The following SPP1 variants were observed in gnomAD, a reference collection of about 807,000 sequenced individuals.
SPP1 encodes the protein osteopontin.
Under a neutral mutation model 20.8 loss-of-function variants are expected in SPP1, and 18 were observed. That is an observed-to-expected ratio of 0.87 (90% CI 0.60 to 1.29). The LOEUF is 1.29. Ranked by LOEUF, SPP1 falls within the 50% of genes most tolerant of loss-of-function variation. SPP1 has a pLI of 0.00. For synonymous variants in SPP1, 146 were observed against 141.5 expected (o/e 1.03, Z -0.23); for missense variants, 363 against 389.0 (o/e 0.93, Z 0.56).
Position 87,982,823 on chromosome 4 carries a change from G to C in SPP1, c.872G>C (p.Ser291Thr). The change falls in exon 7 of 7, where the codon AGT becomes ACT. Residue 291 changes from serine (S) to threonine (T), a missense_variant. Transcript: ENST00000395080. ...GATATGCTGGTTGTAGACCCCAAAA[G>C]TAAGGAAGAAGATAAACACCTGAAA... ...HEDMLVVDPK[S>T]KEEDKHLKFR... The C allele has an allele frequency of 6.2e-7, 1 of 1,614,156 alleles. No homozygotes were observed. The highest frequency in any genetic ancestry group is 1.1e-5 in the South Asian group (1 of 91,070).
At chr4:87,982,386 C>G (rs1725683391) in intron 6 of SPP1, 106 bp from the exon 7 acceptor site, 7 of 1,370,242 alleles carry the variant, frequency 5.1e-6, no homozygotes, top group Non-Finnish European at 6.9e-6. Flanking sequence ...CAGATTTAGA[C>G]AATTTTTAGT....
At chr4:87,977,193 C>G in intron 3 of SPP1, 96 bp downstream of exon 3, 1 of 1,221,884 alleles carries the variant, frequency 8.2e-7, no homozygotes, top group Admixed American at 1.8e-5. Flanking sequence ...CTTATCTTCT[C>G]AGTCAAATCC....
chr4:87,982,984 T>C lies in SPP1; in HGVS notation c.*88T>C. The stretch of plus-strand genomic sequence containing the variant: ...AATGAAAGAGAACATGAAATGCTTC[T>C]TTCTCAGTTTATTGGTTGAATGTGT... On this transcript the variant is annotated 3_prime_UTR_variant, in exon 7 of 7. Transcript: ENST00000395080. 1 of 1,276,824 alleles carries C rather than the reference T, an allele frequency of 7.8e-7. No homozygotes were observed. The highest frequency in any genetic ancestry group is 1.1e-6 in the Non-Finnish European group (1 of 941,974). 79.1% of individuals were successfully genotyped at this position (1,276,824 alleles called of 1,614,324 possible).
At chr4:87,981,964 C>A (rs543360402) in intron 6 of SPP1, among the ~76,000 whole-genome samples, 166 bp downstream of exon 6, 1 of 152,054 alleles carries the variant, frequency 6.6e-6, no homozygotes, top group East Asian at 1.9e-4. Flanking sequence ...TTCTGCTTGG[C>A]GGTTTTTGTA....
In SPP1 at chr4:87,982,482, C is replaced by T. The variant is rs772035367; in HGVS notation, c.541-10C>T. ...TCATATAATTATTCTTCATTTGTGC[C>T]GTGATTCAGTACCCTGATGCTACAG... On this transcript the variant is annotated splice_polypyrimidine_tract_variant and intron_variant, in intron 6 of 6. Coordinates refer to ENST00000395080, the MANE Select transcript of SPP1 (RefSeq NM_001040058.2). The T allele has an allele frequency of 5.0e-6, 8 of 1,607,480 alleles. No homozygotes were observed. Among genetic ancestry groups the T allele is most frequent in the Admixed American group, 1.7e-5 (1 of 59,594 alleles).
Position 87,982,793 on chromosome 4 carries a change from A to C in SPP1, c.842A>C (p.His281Pro), listed in dbSNP as rs779874744. ...TTCCACAGCCATGAATTTCACAGCC[A>C]TGAAGATATGCTGGTTGTAGACCCC... is the stretch of plus-strand genomic sequence containing the variant. ...REFHSHEFHS[H>P]EDMLVVDPKS... is the part of the protein sequence containing the mutation. Residue 281 changes from histidine to proline, a missense_variant, in exon 7 of 7, where the codon CAT becomes CCT. His to Pro is a moderately conservative substitution (Grantham distance 77). Coordinates refer to ENST00000395080, the MANE Select transcript of SPP1 (RefSeq NM_001040058.2). The C allele has an allele frequency of 9.9e-6, 16 of 1,614,232 alleles. No homozygotes were observed. The highest frequency in any genetic ancestry group is 1.4e-5 in the Non-Finnish European group (16 of 1,180,034).
Position 87,982,763 on chromosome 4 carries a change from G to GTGAATTCCACAGCCA in SPP1, c.819_833dup (p.Phe278_Glu282dup). 1 of 1,614,126 alleles carries GTGAATTCCACAGCCA rather than the reference G, an allele frequency of 6.2e-7. No individual in the cohort carries two copies. Among genetic ancestry groups the GTGAATTCCACAGCCA allele is most frequent in the Non-Finnish European group, 8.5e-7 (1 of 1,180,026 alleles). On this transcript the variant is annotated inframe_insertion, in exon 7 of 7. Coordinates refer to ENST00000395080, the MANE Select transcript of SPP1 (RefSeq NM_001040058.2). ...AGTCAGGAACTTTCCAAAGTCAGCC[G>GTGAATTCCACAGCCA]TGAATTCCACAGCCATGAATTTCAC...
intron 5 of SPP1, 27 bp downstream of exon 5, chr4:87,980,461 CCAT>C: frequency 6.2e-7 from 1 of 1,612,428 alleles, no homozygotes; most frequent in South Asian, 1.1e-5. Flanking sequence ...AATCAGAGGC[CCAT>C]CATGCCTTGA....
intron 3 of SPP1, among the ~76,000 whole-genome samples, chr4:87,979,806 G>A (rs1328505313): frequency 6.6e-6 from 1 of 151,976 alleles, no homozygotes; most frequent in Non-Finnish European, 1.5e-5. Flanking sequence ...TATCTCATAG[G>A]GGAATGAAAG....
intron 5 of SPP1, chr4:87,980,731 C>A: frequency 3.0e-6 from 1 of 332,150 alleles, no homozygotes; most frequent in Non-Finnish European, 5.3e-6. Context: ...CTAATTAATG[C>A]ATATCAAAGC....
intron 4 of SPP1, 29 bp from the exon 5 acceptor site, chr4:87,980,364 C>T (rs764693888): frequency 1.6e-5 from 25 of 1,611,090 alleles, no homozygotes; most frequent in Middle Eastern, 1.7e-4. Flanking sequence ...ATGTGTGATG[C>T]GCACTAACAC....
chr4:87,982,708 G>A lies in SPP1; in HGVS notation c.757G>A (p.Glu253Lys), dbSNP rs192576933. Residue 253 changes from glutamate to lysine, a missense_variant, in exon 7 of 7, where the codon GAG becomes AAG. Glu to Lys is a moderately conservative substitution (Grantham distance 56). Transcript: ENST00000395080. ...SRLYKRKAND[E>K]SNEHSDVIDS... ...ATTATATAAGCGGAAAGCCAATGAT[G>A]AGAGCAATGAGCATTCCGATGTGAT... is the stretch of plus-strand genomic sequence containing the variant. 10 of 1,614,022 alleles carry A rather than the reference G, an allele frequency of 6.2e-6. No homozygotes were observed. The highest frequency in any genetic ancestry group is 5.9e-6 in the Non-Finnish European group (7 of 1,180,026).
chr4:87,981,739 G>GAT lies in SPP1; in HGVS notation c.483_484dup (p.Ser162IlefsTer7), dbSNP rs759762925. On this transcript the variant is annotated frameshift_variant, in exon 6 of 7. Coordinates refer to ENST00000395080, the MANE Select transcript of SPP1 (RefSeq NM_001040058.2). LOFTEE classifies it high-confidence loss of function. ...AGTAGACACATATGATGGCCGAGGT[G>GAT]ATAGTGTGGTTTATGGACTGAGGTC... The GAT allele has an allele frequency of 6.2e-7, 1 of 1,614,176 alleles. No individual in the cohort carries two copies. Among genetic ancestry groups the GAT allele is most frequent in the Non-Finnish European group, 8.5e-7 (1 of 1,180,032 alleles).
chr4:87,976,719 T>C (rs1295925492), intron 1 of SPP1, among the ~76,000 whole-genome samples, 163 bp from the exon 2 acceptor site: 2 of 152,180 alleles, frequency 1.3e-5, no homozygotes, highest in East Asian at 3.8e-4. Flanking sequence ...AATATTAACT[T>C]GAAAGACTAT....
intron 3 of SPP1, chr4:87,977,971 G>A (rs1349342501): frequency 8.4e-6 from 5 of 592,044 alleles, no homozygotes; most frequent in Non-Finnish European, 1.1e-5. Flanking sequence ...AGAAGATAGA[G>A]GTCATACTAT....
chr4:87,979,387 A>C (rs1725555409), intron 3 of SPP1, among the ~76,000 whole-genome samples: 2 of 151,506 alleles, frequency 1.3e-5, no homozygotes, highest in Admixed American at 1.3e-4. Flanking sequence ...GTTAGCCAGG[A>C]TGTTCTCGAT....
In SPP1 at chr4:87,982,503, T is replaced by C. The variant is rs1348253989; in HGVS notation, c.552T>C (p.Ala184=). The part of the protein sequence containing the change: ...FRRPDIQYPD[A]TDEDITSHME... The stretch of plus-strand genomic sequence containing the variant: ...GTGCCGTGATTCAGTACCCTGATGC[T>C]ACAGACGAGGACATCACCTCACACA... Residue 184 remains alanine, a synonymous_variant, in exon 7 of 7, where the codon GCT becomes GCC. Coordinates refer to ENST00000395080, the MANE Select transcript of SPP1 (RefSeq NM_001040058.2). The C allele has an allele frequency of 6.2e-7, 1 of 1,613,422 alleles. No individual in the cohort carries two copies. The highest frequency in any genetic ancestry group is 1.3e-5 in the African/African-American group (1 of 74,926).
intron 3 of SPP1, among the ~76,000 whole-genome samples, 174 bp from the exon 4 acceptor site, chr4:87,979,872 A>C (rs2110068248): frequency 6.6e-6 from 1 of 151,954 alleles, no homozygotes; most frequent in Admixed American, 6.6e-5. Flanking sequence ...GCCCACAGTA[A>C]GTGCTACATA....
At chr4:87,979,680 G>A (rs750061989) in intron 3 of SPP1, among the ~76,000 whole-genome samples, 6 of 152,094 alleles carry the variant, frequency 3.9e-5, no homozygotes, top group Non-Finnish European at 7.4e-5. Context: ...TGTGAAGTTC[G>A]GTGTTAAGAG....
Sources: gnomAD v4.1 joint callset for allele counts (sites outside exome capture counted in the v4.1 genomes callset) on GRCh38, gnomAD v4.1.1 for gene constraint, MANE v1.5 for transcripts, NCBI Gene and HGNC (gene_info 2026-07-23, HGNC 2026-07-21) for gene names.